The following MECR variants were observed in gnomAD, a reference collection of about 807,000 sequenced individuals.
MECR encodes mitochondrial trans-2-enoyl-CoA reductase.
A neutral mutation model predicts 49.1 loss-of-function variants in MECR; 37 were observed. That is an observed-to-expected ratio of 0.75 (90% CI 0.58 to 0.99). The LOEUF (loss-of-function observed/expected upper bound fraction) is 0.99, where lower values mean the gene tolerates loss of function less well. Among genes scored for constraint, MECR ranks in the 50% least tolerant of loss-of-function variants. The probability of loss-of-function intolerance (pLI) is 0.00; values close to 1 mark genes in which losing one functional copy is unlikely to be tolerated. For missense variants in MECR, 470 were observed against 479.6 expected, an observed-to-expected ratio of 0.98 and a Z score of 0.19; for synonymous variants, 198 against 191.1, an observed-to-expected ratio of 1.04 and a Z score of -0.30.
At chr1:29,228,665 G>A (rs1249217860) in intron 1 of MECR, among the ~76,000 whole-genome samples, 1 of 152,028 alleles carries the variant, frequency 6.6e-6, no homozygotes, top group Non-Finnish European at 1.5e-5. Context: ...TTCCACAGAA[G>A]GACATAATAG....
At position 29,217,127 on chromosome 1, in the gene MECR, CAAAAAAAAAAAAA is replaced by C. The variant is rs1195549293; in HGVS notation, c.177-455_177-443del. On this transcript the variant is annotated intron_variant, in intron 1 of 9. Coordinates refer to ENST00000263702, the MANE Select transcript of MECR (RefSeq NM_016011.5). ...TGGGTGACAAAGCAAGACTTTGTCT[CAAAAAAAAAAAAA>C]AAAAAAAAAAAAAGAAATCAACATA... is the stretch of plus-strand genomic sequence containing the variant. 2.7e-4 allele frequency among the ~76,000 whole-genome samples: 13 copies of C among 47,286 alleles called. 1 individual carries two copies. In the South Asian group the frequency reaches 3.8e-3, roughly 14 times the overall value. 31.0% of individuals were successfully genotyped at this position (47,286 alleles called of 152,430 possible).
chr1:29,181,722 A>G, the MECR span: 1 of 1,593,846 alleles, frequency 6.3e-7, no homozygotes, highest in East Asian at 2.4e-5. Context: ...CGGGCCTGGT[A>G]GCTCAGGCGG....
At chr1:29,230,299 T>G (rs1683110054) in intron 1 of MECR, 1 of 178,112 alleles carries the variant, frequency 5.6e-6, no homozygotes, top group African/African-American at 2.4e-5. Context: ...ATAATAATAG[T>G]AAGAACTCAC....
chr1:29,201,139 T>G lies in MECR; in HGVS notation c.757-550A>C, dbSNP rs1450801928. 6.6e-6 allele frequency among the ~76,000 whole-genome samples: 1 copy of G among 152,162 alleles called. No individual in the cohort carries two copies. Among genetic ancestry groups the G allele is most frequent in the African/African-American group, 2.4e-5 (1 of 41,432 alleles). On this transcript the variant is annotated intron_variant, in intron 6 of 9. Transcript: ENST00000263702. The surrounding 1 kb of genome is among the most constrained non-coding windows in gnomAD (Gnocchi z 4.3). ...AGCAACTTAATCCTGTTGTCCATTT[T>G]AGGACCTGGCAGAACTCATCTTCTC...
In MECR at chr1:29,230,892, A is replaced by G; in HGVS notation, c.15T>C (p.Ser5=). MWVC[S]TLWRVRTPAR... ...CGGGGGTTCGCACCCGCCACAGGGT[A>G]CTGCAGACCCACATGCTCGCTCCAA... The change falls in exon 1 of 10, where the codon AGT becomes AGC. Residue 5 remains serine, a synonymous_variant. Coordinates refer to ENST00000263702, the MANE Select transcript of MECR (RefSeq NM_016011.5). 1 of 1,606,190 alleles carries G rather than the reference A, an allele frequency of 6.2e-7. No homozygotes were observed.
the MECR span, chr1:29,169,129 G>A: frequency 6.6e-6 from 1 of 152,166 alleles, no homozygotes; most frequent in Non-Finnish European, 1.5e-5. Context: ...ATTATGCTAA[G>A]TGCTTTACAC....
chr1:29,229,205 A>ATTT (rs35185139), intron 1 of MECR, among the ~76,000 whole-genome samples: 18 of 143,892 alleles, frequency 1.3e-4, no homozygotes, highest in South Asian at 4.4e-4. Context: ...ATCTAGCTTG[A>ATTT]TTTTTTTTTT....
chr1:29,207,497 TTGGGAGGCAAGG>T (rs1274771206), intron 3 of MECR, among the ~76,000 whole-genome samples: 4 of 151,840 alleles, frequency 2.6e-5, no homozygotes, highest in Admixed American at 6.6e-5. Context: ...TCTCAGCACT[TTGGGAGGCAAGG>T]TGGGAGGACT....
At chr1:29,220,632 G>C (rs1680548444) in intron 1 of MECR, 1 of 152,326 alleles carries the variant, frequency 6.6e-6, no homozygotes, top group Admixed American at 6.5e-5. Flanking sequence ...TGGTCAAGAT[G>C]AGAATACAGG....
At chr1:29,175,852 A>G in the MECR span, among the ~76,000 whole-genome samples, 1 of 152,114 alleles carries the variant, frequency 6.6e-6, no homozygotes, top group East Asian at 1.9e-4. Flanking sequence ...GATAATCCTA[A>G]AATTAATCCA....
the MECR span, among the ~76,000 whole-genome samples, chr1:29,178,468 C>T: frequency 4.6e-5 from 7 of 151,628 alleles, no homozygotes; most frequent in Non-Finnish European, 8.8e-5. Flanking sequence ...CTCAGCCTCT[C>T]GAGTAGCTGG....
At chr1:29,176,806 T>C in the MECR span, among the ~76,000 whole-genome samples, 1 of 152,224 alleles carries the variant, frequency 6.6e-6, no homozygotes, top group Non-Finnish European at 1.5e-5. Context: ...ATAGCATGAC[T>C]AAACAGACCA....
At chr1:29,189,005 C>T (rs1008970082), downstream of MECR, among the ~76,000 whole-genome samples, 1 of 151,496 alleles carries the variant, frequency 6.6e-6, no homozygotes, top group African/African-American at 2.4e-5. Flanking sequence ...AATGGTGCGA[C>T]CTCGACTCAC....
chr1:29,200,697 C>T (rs1372412541), intron 6 of MECR, 108 bp from the exon 7 acceptor site: 2 of 901,670 alleles, frequency 2.2e-6, no homozygotes, highest in Admixed American at 4.1e-5. Context: ...GATGTTTATG[C>T]CTTTGTTTGC....
At chr1:29,167,967 C>A in the MECR span, among the ~76,000 whole-genome samples, 1 of 151,460 alleles carries the variant, frequency 6.6e-6, no homozygotes, top group East Asian at 1.9e-4. Flanking sequence ...GAACCCAGAC[C>A]CATGACTCTA....
chr1:29,171,972 G>A, the MECR span: 1 of 152,278 alleles, frequency 6.6e-6, no homozygotes, highest in South Asian at 2.1e-4. Context: ...AGGAGTGGAG[G>A]TCTTGAACCA....
the MECR span, among the ~76,000 whole-genome samples, chr1:29,176,569 T>G: frequency 6.6e-6 from 1 of 151,728 alleles, no homozygotes. Context: ...ACTAACTATA[T>G]ACTTCCTAAT....
At chr1:29,225,243 T>C (rs1038049944) in intron 1 of MECR, among the ~76,000 whole-genome samples, 2 of 152,150 alleles carry the variant, frequency 1.3e-5, no homozygotes, top group East Asian at 3.9e-4. Flanking sequence ...GAGTGCACAG[T>C]AGGCAGTCAA....
At chr1:29,223,285 G>A in intron 1 of MECR, 1 of 985,450 alleles carries the variant, frequency 1.0e-6, no homozygotes, top group Non-Finnish European at 1.2e-6. Context: ...GAAGTACAAG[G>A]GAGACAAAAG....
Sources: gnomAD v4.1 joint callset for allele counts (sites outside exome capture counted in the v4.1 genomes callset) on GRCh38, gnomAD v4.1.1 for gene constraint, Gnocchi (gnomAD v3.1) non-coding constraint, MANE v1.5 for transcripts, NCBI Gene and HGNC (gene_info 2026-07-23, HGNC 2026-07-21) for gene names.